CNTNAP2: variants seen among roughly 807,000 people sequenced by gnomAD.
CNTNAP2 encodes the protein contactin associated protein 2.
In CNTNAP2, 98 loss-of-function variants were observed where a neutral mutation model predicts 155.2. The observed-to-expected ratio is 0.63, with a 90% CI of 0.54 to 0.75. The LOEUF (loss-of-function observed/expected upper bound fraction) is 0.75. CNTNAP2 is among the 30% of genes least tolerant of loss of function. CNTNAP2 has a pLI of 0.00. For missense variants in CNTNAP2, 1,727 were observed against 1,688.1 expected, an observed-to-expected ratio of 1.02 and a Z score of -0.40; for synonymous variants, 651 against 631.2, an observed-to-expected ratio of 1.03 and a Z score of -0.47.
chr7:147,063,639 G>T (rs1214317705), intron 4 of CNTNAP2, among the ~76,000 whole-genome samples: 2 of 151,970 alleles, frequency 1.3e-5, no homozygotes, highest in Non-Finnish European at 2.9e-5. Flanking sequence ...GGAGAAACAG[G>T]AATGAGAGGC....
intron 1 of CNTNAP2, among the ~76,000 whole-genome samples, chr7:146,517,055 A>T (rs2129136631): frequency 6.6e-6 from 1 of 152,122 alleles, no homozygotes; most frequent in African/African-American, 2.4e-5. Context: ...CATAAGTTTT[A>T]AATCCTATGC....
chr7:146,321,935 T>C (rs534679928), intron 1 of CNTNAP2, among the ~76,000 whole-genome samples: 2 of 152,306 alleles, frequency 1.3e-5, no homozygotes, highest in East Asian at 3.9e-4. Context: ...CTTTCCTTTG[T>C]AATCTAAACC....
chr7:147,379,172 T>C (rs1181704554), intron 9 of CNTNAP2, among the ~76,000 whole-genome samples: 1 of 152,116 alleles, frequency 6.6e-6, no homozygotes, highest in Non-Finnish European at 1.5e-5. Flanking sequence ...CAAACCTCTT[T>C]CCTTTATAAA....
intron 1 of CNTNAP2, among the ~76,000 whole-genome samples, chr7:146,587,539 T>C (rs1350439432): frequency 1.3e-5 from 2 of 152,206 alleles, no homozygotes; most frequent in Admixed American, 1.3e-4. Context: ...GTGTGATTTA[T>C]AAGCACATAT....
intron 1 of CNTNAP2, among the ~76,000 whole-genome samples, chr7:146,315,839 A>G (rs1313810587): frequency 6.6e-6 from 1 of 152,238 alleles, no homozygotes; most frequent in Non-Finnish European, 1.5e-5. Context: ...TTCTAGCAAC[A>G]AAAGAAAATA....
Position 147,354,549 on chromosome 7 carries a change from T to C in CNTNAP2, c.1499-41060T>C, listed in dbSNP as rs112268833. On this transcript the variant is annotated intron_variant, in intron 9 of 23. Transcript: ENST00000361727. ...TTTTGATTACTGTAGCCTTGTAGTG[T>C]AGTTTGAAGCCAGGTAGTGTGATGG... Among the ~76,000 whole-genome samples the C allele has an allele frequency of 8.8e-3, 1,346 of 152,250 alleles. 22 individuals carry two copies. Among genetic ancestry groups the C allele is most frequent in the African/African-American group, 0.031 (1,290 of 41,550 alleles).
chr7:148,335,039 A>G (rs1798095180), intron 21 of CNTNAP2, among the ~76,000 whole-genome samples: 1 of 152,196 alleles, frequency 6.6e-6, no homozygotes, highest in Non-Finnish European at 1.5e-5. Context: ...ACTTAGCCAA[A>G]TTCCCTCTCA....
At chr7:146,872,511 T>G (rs1207685175) in intron 3 of CNTNAP2, among the ~76,000 whole-genome samples, 1 of 152,176 alleles carries the variant, frequency 6.6e-6, no homozygotes, top group Admixed American at 6.6e-5. Context: ...AAAGACATTG[T>G]CAGTTATTGA....
intron 9 of CNTNAP2, among the ~76,000 whole-genome samples, chr7:147,333,091 GT>G (rs1795601752): frequency 6.6e-6 from 1 of 152,134 alleles, no homozygotes; most frequent in Non-Finnish European, 1.5e-5. Context: ...TGAGGCCATA[GT>G]GCTCCCCAGA....
intron 1 of CNTNAP2, among the ~76,000 whole-genome samples, chr7:146,163,508 T>C (rs1226966586): frequency 2.3e-5 from 1 of 43,442 alleles, no homozygotes; most frequent in East Asian, 2.8e-3. Flanking sequence ...TCTATATATC[T>C]ATATATATCT....
intron 13 of CNTNAP2, among the ~76,000 whole-genome samples, chr7:147,890,118 G>A (rs1290309998): frequency 6.6e-6 from 1 of 152,170 alleles, no homozygotes; most frequent in African/African-American, 2.4e-5. Context: ...GGGAGACTGA[G>A]GCGGGCAAAT....
At chr7:146,268,229 C>T (rs1800024788) in intron 1 of CNTNAP2, among the ~76,000 whole-genome samples, 1 of 152,152 alleles carries the variant, frequency 6.6e-6, no homozygotes, top group Non-Finnish European at 1.5e-5. Context: ...AACAGGAAAG[C>T]TCTGACCATT....
intron 10 of CNTNAP2, among the ~76,000 whole-genome samples, chr7:147,424,712 T>C (rs1479306348): frequency 3.3e-5 from 5 of 152,170 alleles, no homozygotes. Flanking sequence ...GTCAGCACAG[T>C]CTAACAAACA....
intron 15 of CNTNAP2, among the ~76,000 whole-genome samples, chr7:148,069,462 C>A (rs1403194505): frequency 1.3e-5 from 2 of 151,910 alleles, no homozygotes; most frequent in Non-Finnish European, 1.5e-5. Flanking sequence ...GGGACATAAG[C>A]AATCAAAAAG....
intron 21 of CNTNAP2, among the ~76,000 whole-genome samples, chr7:148,341,232 C>T (rs1798224911): frequency 6.6e-6 from 1 of 152,046 alleles, no homozygotes; most frequent in Non-Finnish European, 1.5e-5. Context: ...TTGAAATGTG[C>T]ACTTTGGAAG....
chr7:147,054,177 A>T (rs1799519685), intron 4 of CNTNAP2, among the ~76,000 whole-genome samples: 1 of 152,166 alleles, frequency 6.6e-6, no homozygotes, highest in African/African-American at 2.4e-5. Context: ...GTGAATTCTA[A>T]TGACCATAGA....
chr7:148,271,636 T>G (rs1796781060), intron 21 of CNTNAP2, among the ~76,000 whole-genome samples: 2 of 152,150 alleles, frequency 1.3e-5, no homozygotes, highest in South Asian at 4.1e-4. Flanking sequence ...ATTCTGTTAA[T>G]AAAATTGAAG....
intron 10 of CNTNAP2, among the ~76,000 whole-genome samples, chr7:147,431,107 A>G (rs1216449942): frequency 6.6e-6 from 1 of 151,764 alleles, no homozygotes; most frequent in Non-Finnish European, 1.5e-5. Context: ...ACAGAAGGTT[A>G]GGAGAAGCGC....
At chr7:147,223,966 A>G (rs1803465327) in intron 8 of CNTNAP2, among the ~76,000 whole-genome samples, 1 of 151,608 alleles carries the variant, frequency 6.6e-6, no homozygotes, top group South Asian at 2.1e-4. Context: ...AGAAAGAAAG[A>G]AAAAAGAAAA....
Sources: allele counts gnomAD v4.1 joint callset (sites outside exome capture counted in the v4.1 genomes callset), GRCh38; gene constraint gnomAD v4.1.1; transcripts MANE v1.5; gene names NCBI Gene and HGNC (gene_info 2026-07-23, HGNC 2026-07-21).